DOCK7: variants seen among roughly 807,000 people sequenced by gnomAD.
The protein encoded by DOCK7 is dedicator of cytokinesis protein 7.
Under a neutral mutation model 271.0 loss-of-function variants are expected in DOCK7, and 138 were observed. The ratio of observed to expected loss-of-function variants is 0.51; its 90% CI spans 0.44 to 0.59. DOCK7 has a LOEUF of 0.59. Among genes scored for constraint, DOCK7 ranks in the 20% least tolerant of loss-of-function variants. DOCK7 has a pLI of 0.00. For synonymous variants in DOCK7, 823 were observed against 876.1 expected (o/e 0.94, Z 1.07); for missense variants, 2,066 against 2,592.4 (o/e 0.80, Z 4.41).
rs199995540 is a variant in DOCK7 at position 62,636,574 on chromosome 1, G to A, written c.848C>T (p.Ala283Val). The change falls in exon 8 of 50, where the codon GCA becomes GTA. Residue 283 changes from alanine (A) to valine (V), a missense_variant. Ala to Val is a moderately conservative substitution (Grantham distance 64). Transcript: ENST00000635253. ...KFEIEIEPIF[A>V]SLALYDVKEK... ...CTTGACATCATATAAAGCCAAACTT[G>A]CAAAAATGGGTTCAATTTCAATTTC... The A allele has an allele frequency of 3.7e-6, 6 of 1,601,428 alleles. No homozygotes were observed. The East Asian group carries it at 6.8e-5, about 18-fold the overall frequency.
intron 4 of DOCK7, among the ~76,000 whole-genome samples, chr1:62,653,261 T>C (rs552725215): frequency 6.6e-6 from 1 of 152,318 alleles, no homozygotes; most frequent in South Asian, 2.1e-4. Context: ...TTTTTACAAA[T>C]ATTTACCTGA....
At chr1:62,509,659 A>G (rs1445020353) in intron 34 of DOCK7, among the ~76,000 whole-genome samples, 1 of 152,160 alleles carries the variant, frequency 6.6e-6, no homozygotes, top group Admixed American at 6.5e-5. Flanking sequence ...AAGAATTTTA[A>G]TATATTTATA....
At chr1:62,680,985 C>T (rs1427396030) in intron 1 of DOCK7, among the ~76,000 whole-genome samples, 1 of 152,154 alleles carries the variant, frequency 6.6e-6, no homozygotes. Flanking sequence ...GGCGATTCCT[C>T]AAGGATATAG....
chr1:62,555,861 G>A lies in DOCK7; in HGVS notation c.2560C>T (p.Arg854Cys), dbSNP rs759756037. ...LLASYIHYVFRLPNTYPNSSS... is the reference protein window; with the variant it reads ...LLASYIHYVFCLPNTYPNSSS... ...GAATTAGGGTAAGTATTTGGTAGGC[G>A]GAAAACATAATGAATATATGATGCA... Residue 854 changes from arginine (R) to cysteine (C), a missense_variant, in exon 21 of 50, where the codon CGC (arginine) becomes TGC (cysteine). Physicochemically the swap from Arg to Cys is radical, Grantham distance 180. Coordinates refer to ENST00000635253, the MANE Select transcript of DOCK7 (RefSeq NM_001367561.1). 47 of 1,613,158 alleles carry A rather than the reference G, an allele frequency of 2.9e-5. No individual in the cohort carries two copies. The highest frequency in any genetic ancestry group is 1.1e-4 in the African/African-American group (8 of 74,870).
rs181814954 is a variant in DOCK7, at chr1:62,607,570, T to G, written c.1682+11136A>C. 1.1e-4 allele frequency among the ~76,000 whole-genome samples: 16 copies of G among 152,332 alleles called. No homozygotes were observed. In the East Asian group the frequency reaches 2.9e-3, roughly 28 times the overall value. Reference sequence around the variant, plus strand: ...CCTGTCAATCTTCCGAAAAGGAATTTGTAATGGCTGCATACTGCCTGGACC... The same window carrying G: ...CCTGTCAATCTTCCGAAAAGGAATTGGTAATGGCTGCATACTGCCTGGACC... On this transcript the variant is annotated intron_variant, in intron 14 of 49. Coordinates refer to ENST00000635253, the MANE Select transcript of DOCK7 (RefSeq NM_001367561.1).
intron 20 of DOCK7, among the ~76,000 whole-genome samples, chr1:62,557,061 TTTTC>T (rs1428420734): frequency 4.8e-5 from 3 of 61,956 alleles, no homozygotes; most frequent in African/African-American, 5.8e-5. Context: ...TTTCTTTTTC[TTTTC>T]TTTTTTTTTT....
At chr1:62,602,676 T>C (rs1324791757) in intron 14 of DOCK7, among the ~76,000 whole-genome samples, 1 of 151,748 alleles carries the variant, frequency 6.6e-6, no homozygotes, top group African/African-American at 2.4e-5. Flanking sequence ...TTTGATTAAA[T>C]GTTATGTCAT....
intron 7 of DOCK7, among the ~76,000 whole-genome samples, chr1:62,643,772 T>G (rs537583746): frequency 6.6e-6 from 1 of 152,138 alleles, no homozygotes; most frequent in African/African-American, 2.4e-5. Context: ...TGATATCACT[T>G]TATTTTCCAT....
intron 23 of DOCK7, among the ~76,000 whole-genome samples, 154 bp from the exon 24 acceptor site, chr1:62,543,899 G>T (rs1645616628): frequency 6.6e-6 from 1 of 152,112 alleles, no homozygotes; most frequent in Non-Finnish European, 1.5e-5. Flanking sequence ...ACCATGTTAA[G>T]CTGCTTTAAT....
At chr1:62,636,367 C>G (rs1655273556) in intron 8 of DOCK7, among the ~76,000 whole-genome samples, 170 bp downstream of exon 8, 1 of 152,120 alleles carries the variant, frequency 6.6e-6, no homozygotes, top group African/African-American at 2.4e-5. Flanking sequence ...TTTTCAATTA[C>G]AGTAATTTAT....
At chr1:62,634,525 T>C (rs1047407038) in intron 9 of DOCK7, 3 of 275,606 alleles carry the variant, frequency 1.1e-5, no homozygotes, top group African/African-American at 4.4e-5. Context: ...ATTTATAAAC[T>C]ACAATAATCA....
intron 2 of DOCK7, among the ~76,000 whole-genome samples, chr1:62,656,542 C>A (rs1571919994): frequency 6.6e-6 from 1 of 152,086 alleles, no homozygotes; most frequent in East Asian, 1.9e-4. Flanking sequence ...GGGGTACTTT[C>A]CCTTCTGGAA....
intron 48 of DOCK7, among the ~76,000 whole-genome samples, chr1:62,460,604 AACACACACACACACACAC>A (rs57641890): frequency 2.1e-4 from 32 of 149,010 alleles, no homozygotes; most frequent in African/African-American, 7.2e-4. Context: ...CAATGTATTG[AACACACACACACACACAC>A]ACACACACAC....
chr1:62,501,178 T>A (rs762445768), intron 37 of DOCK7, among the ~76,000 whole-genome samples: 4 of 152,092 alleles, frequency 2.6e-5, no homozygotes, highest in Non-Finnish European at 4.4e-5. Context: ...TGAGTTCCTG[T>A]CTCGACTAAA....
intron 1 of DOCK7, among the ~76,000 whole-genome samples, chr1:62,669,831 C>T (rs963950708): frequency 4.6e-5 from 7 of 152,236 alleles, no homozygotes; most frequent in Non-Finnish European, 8.8e-5. Flanking sequence ...TGTGGGAGCC[C>T]CTTTCTGGGC....
intron 46 of DOCK7, 173 bp downstream of exon 46, chr1:62,475,534 G>A: frequency 9.5e-7 from 1 of 1,052,896 alleles, no homozygotes; most frequent in Non-Finnish European, 1.4e-6. Flanking sequence ...AAAAAGCTGG[G>A]GGTGAATTAG....
chr1:62,510,729 T>G, intron 33 of DOCK7, 56 bp from the exon 34 acceptor site: 1 of 1,306,700 alleles, frequency 7.7e-7, no homozygotes, highest in Non-Finnish European at 1.1e-6. Context: ...GGACCACATA[T>G]ATGTATACTT....
intron 16 of DOCK7, among the ~76,000 whole-genome samples, chr1:62,580,728 C>T (rs1647089891): frequency 1.3e-5 from 2 of 152,030 alleles, no homozygotes; most frequent in East Asian, 3.9e-4. Context: ...ATAAGTAAGA[C>T]ACATATATAT....
chr1:62,570,709 CAT>C (rs1646743108), intron 18 of DOCK7, among the ~76,000 whole-genome samples: 1 of 152,026 alleles, frequency 6.6e-6, no homozygotes, highest in Admixed American at 6.6e-5. Flanking sequence ...AAAACAGACA[CAT>C]AGACCAATGG....
Sources: allele counts gnomAD v4.1 joint callset (sites outside exome capture counted in the v4.1 genomes callset), GRCh38; gene constraint gnomAD v4.1.1; transcripts MANE v1.5; gene names NCBI Gene and HGNC (gene_info 2026-07-23, HGNC 2026-07-21).